MAP4K5: variants seen among roughly 807,000 people sequenced by gnomAD.
MAP4K5 encodes the protein MAPK/ERK kinase kinase kinase 5.
In MAP4K5, 82 loss-of-function variants were observed where a neutral mutation model predicts 135.6. The observed-to-expected ratio is 0.60, with a 90% CI of 0.51 to 0.73. The LOEUF (loss-of-function observed/expected upper bound fraction) is 0.73, where lower values mean the gene tolerates loss of function less well. MAP4K5 is among the 30% of genes least tolerant of loss of function. The probability of loss-of-function intolerance (pLI) is 0.00; values close to 1 mark genes in which losing one functional copy is unlikely to be tolerated. For synonymous variants in MAP4K5, 347 were observed against 335.0 expected, an observed-to-expected ratio of 1.04 and a Z score of -0.39; for missense variants, 907 against 1,010.9, an observed-to-expected ratio of 0.90 and a Z score of 1.39.
rs552969466 is a variant in MAP4K5 at position 50,507,207 on chromosome 14, C to T, written c.109-2350G>A. Among the ~76,000 whole-genome samples the T allele has an allele frequency of 6.6e-5, 10 of 152,216 alleles. No homozygotes were observed. The East Asian group carries it at 1.7e-3, about 26-fold the overall frequency. On this transcript the variant is annotated intron_variant, in intron 2 of 32. Transcript: ENST00000682126. ...TTCTATTTATTTAAACACAAAAAGA[C>T]TTAGTTTAGTAAAGCAGACCTGCCC...
chr14:50,511,626 C>G (rs1183532381), intron 2 of MAP4K5, among the ~76,000 whole-genome samples: 1 of 152,106 alleles, frequency 6.6e-6, no homozygotes, highest in African/African-American at 2.4e-5. Flanking sequence ...TTCCTGATCA[C>G]TACAAATTTT....
intron 2 of MAP4K5, among the ~76,000 whole-genome samples, chr14:50,520,885 C>T (rs1395520103): frequency 1.3e-5 from 2 of 148,426 alleles, no homozygotes; most frequent in African/African-American, 2.5e-5. Context: ...TGCAGTGGCG[C>T]GATCTTTGCC....
chr14:50,494,967 T>C (rs1370422983), intron 3 of MAP4K5, among the ~76,000 whole-genome samples: 1 of 152,124 alleles, frequency 6.6e-6, no homozygotes, highest in Admixed American at 6.6e-5. Flanking sequence ...CCCCAAATTA[T>C]CAAACTCCTA....
intron 15 of MAP4K5, among the ~76,000 whole-genome samples, chr14:50,447,973 C>T (rs966660235): frequency 1.3e-5 from 2 of 152,098 alleles, no homozygotes; most frequent in Non-Finnish European, 2.9e-5. Context: ...TAGGCTAACT[C>T]TAATAATATC....
At chr14:50,451,593 T>C (rs1324300842) in intron 14 of MAP4K5, among the ~76,000 whole-genome samples, 1 of 152,028 alleles carries the variant, frequency 6.6e-6, no homozygotes, top group Non-Finnish European at 1.5e-5. Context: ...ACTGAGTTGA[T>C]GTCATGAATT....
chr14:50,421,882 T>C (rs1166869095), intron 32 of MAP4K5, among the ~76,000 whole-genome samples: 1 of 118,748 alleles, frequency 8.4e-6, no homozygotes, highest in Admixed American at 1.1e-4. Context: ...GATCAATGGA[T>C]GATCCACAAT....
chr14:50,549,445 A>C (rs1340811622), intron 1 of MAP4K5, among the ~76,000 whole-genome samples: 1 of 152,090 alleles, frequency 6.6e-6, no homozygotes, highest in Non-Finnish European at 1.5e-5. Flanking sequence ...AAACCCATAC[A>C]ACCTCCACAG....
chr14:50,529,880 G>A (rs997325064), intron 2 of MAP4K5, among the ~76,000 whole-genome samples: 1 of 152,182 alleles, frequency 6.6e-6, no homozygotes, highest in African/African-American at 2.4e-5. Context: ...AATGACTAAG[G>A]AGAGTGGTAG....
chr14:50,465,329 A>G (rs1276126934), intron 11 of MAP4K5, among the ~76,000 whole-genome samples: 3 of 152,194 alleles, frequency 2.0e-5, no homozygotes, highest in African/African-American at 7.2e-5. Flanking sequence ...TAATCTAGAT[A>G]AGGAATTCTA....
In MAP4K5 at chr14:50,429,182, T is replaced by C. The variant is rs1322646949; in HGVS notation, c.2233+10A>G. 8.1e-6 allele frequency: 12 copies of C among 1,474,700 alleles called. No homozygotes were observed. The highest frequency in any genetic ancestry group is 1.0e-5 in the Non-Finnish European group (11 of 1,088,260). 91.4% of individuals were successfully genotyped at this position (1,474,700 alleles called of 1,614,324 possible). ...AGTATACTCAAAATAAAATTAAAAA[T>C]AGTACTTACTGTCTAAACACACTAA... On this transcript the variant is annotated intron_variant, in intron 29 of 32. Coordinates refer to ENST00000682126, the MANE Select transcript of MAP4K5 (RefSeq NM_006575.6).
intron 29 of MAP4K5, 127 bp from the exon 30 acceptor site, chr14:50,428,881 T>G: frequency 1.5e-6 from 1 of 648,696 alleles, no homozygotes. Context: ...TTATCTTGAG[T>G]CAGGTATGCC....
chr14:50,468,069 T>C (rs778564343), intron 10 of MAP4K5, among the ~76,000 whole-genome samples: 5 of 152,128 alleles, frequency 3.3e-5, no homozygotes, highest in East Asian at 3.8e-4. Flanking sequence ...TCTGAGATAA[T>C]ACATCCTAGA....
intron 2 of MAP4K5, among the ~76,000 whole-genome samples, chr14:50,526,663 C>T (rs2038272110): frequency 6.6e-6 from 1 of 152,176 alleles, no homozygotes; most frequent in Non-Finnish European, 1.5e-5. Flanking sequence ...GTTTGCATCC[C>T]CATATCCTAA....
At chr14:50,424,566 T>C (rs762489506) in intron 31 of MAP4K5, among the ~76,000 whole-genome samples, 2 of 151,632 alleles carry the variant, frequency 1.3e-5, no homozygotes, top group African/African-American at 2.4e-5. Flanking sequence ...AAAAATTAGC[T>C]GGGTGTGTTG....
intron 1 of MAP4K5, among the ~76,000 whole-genome samples, chr14:50,557,945 G>A (rs1172268571): frequency 2.0e-5 from 3 of 152,140 alleles, no homozygotes; most frequent in Non-Finnish European, 4.4e-5. Flanking sequence ...GACAAAAAGG[G>A]ACAATGTTAA....
At chr14:50,543,579 A>G (rs1446465530) in intron 1 of MAP4K5, among the ~76,000 whole-genome samples, 2 of 152,206 alleles carry the variant, frequency 1.3e-5, no homozygotes, top group Non-Finnish European at 2.9e-5. Context: ...GATCTTACCC[A>G]TCACTCAGGA....
At chr14:50,444,191 C>A (rs2036291878) in intron 18 of MAP4K5, among the ~76,000 whole-genome samples, 155 bp from the exon 19 acceptor site, 2 of 152,076 alleles carry the variant, frequency 1.3e-5, no homozygotes, top group East Asian at 1.9e-4. Context: ...TGGTGTCTTT[C>A]TCTAGATTCT....
intron 3 of MAP4K5, among the ~76,000 whole-genome samples, chr14:50,487,654 TAA>T (rs2037394943): frequency 6.6e-6 from 1 of 152,200 alleles, no homozygotes; most frequent in Non-Finnish European, 1.5e-5. Context: ...GGTTTTACAA[TAA>T]AAGAGGATCA....
intron 14 of MAP4K5, among the ~76,000 whole-genome samples, chr14:50,451,790 C>T (rs570084482): frequency 1.3e-5 from 2 of 151,912 alleles, no homozygotes; most frequent in South Asian, 4.2e-4. Flanking sequence ...AAAAACAAAA[C>T]GTGTCTTGAG....
Sources: gnomAD v4.1 joint callset for allele counts (sites outside exome capture counted in the v4.1 genomes callset) on GRCh38, gnomAD v4.1.1 for gene constraint, MANE v1.5 for transcripts, NCBI Gene and HGNC (gene_info 2026-07-23, HGNC 2026-07-21) for gene names.